ARHGAP42: variants seen among roughly 807,000 people sequenced by gnomAD.
ARHGAP42 encodes Rho GTPase activating protein 42.
Under a neutral mutation model 125.0 loss-of-function variants are expected in ARHGAP42, and 63 were observed. The ratio of observed to expected loss-of-function variants is 0.50; its 90% CI spans 0.41 to 0.62. The LOEUF is 0.62. Ranked by LOEUF, ARHGAP42 falls within the 20% of genes least tolerant of loss-of-function variation. The pLI, the probability that ARHGAP42 is intolerant of heterozygous loss-of-function variation, is 0.00. For missense variants in ARHGAP42, 766 were observed against 1,024.2 expected, an observed-to-expected ratio of 0.75 and a Z score of 3.44; for synonymous variants, 339 against 351.0, an observed-to-expected ratio of 0.97 and a Z score of 0.38.
At chr11:100,854,590 C>T (rs1177633145) in intron 3 of ARHGAP42, among the ~76,000 whole-genome samples, 7 of 152,110 alleles carry the variant, frequency 4.6e-5, no homozygotes, top group Admixed American at 6.6e-5. Context: ...TAATGCAAGA[C>T]GTGCTCGTGT....
At chr11:100,934,054 G>A (rs1867660765) in intron 7 of ARHGAP42, among the ~76,000 whole-genome samples, 1 of 152,170 alleles carries the variant, frequency 6.6e-6, no homozygotes, top group South Asian at 2.1e-4. Flanking sequence ...CCCAAGTGCT[G>A]GGATTACAGG....
At position 100,808,697 on chromosome 11, in the gene ARHGAP42, G is replaced by A. The variant is rs180827750; in HGVS notation, c.312+13531G>A. Among the ~76,000 whole-genome samples, 494 of 152,216 alleles carry A rather than the reference G, an allele frequency of 3.2e-3. 3 individuals carry two copies. Among genetic ancestry groups the A allele is most frequent in the African/African-American group, 0.011 (475 of 41,548 alleles). ...TGGGATTACAGGCGTGAGCCACCGC[G>A]CCCGGCCAAATTCACTCTTAACTAT... On this transcript the variant is annotated intron_variant, in intron 3 of 23. Coordinates refer to ENST00000298815, the MANE Select transcript of ARHGAP42 (RefSeq NM_152432.4).
chr11:100,805,628 T>C (rs1287106837), intron 3 of ARHGAP42, among the ~76,000 whole-genome samples: 1 of 152,174 alleles, frequency 6.6e-6, no homozygotes, highest in Non-Finnish European at 1.5e-5. Context: ...CTGACTATAC[T>C]TATAGTTACT....
intron 3 of ARHGAP42, among the ~76,000 whole-genome samples, chr11:100,802,774 G>A (rs1019992953): frequency 2.0e-5 from 3 of 151,960 alleles, no homozygotes; most frequent in Middle Eastern, 3.2e-3. Context: ...CAGCCCTATG[G>A]GTTTCTTTCT....
intron 1 of ARHGAP42, among the ~76,000 whole-genome samples, chr11:100,689,127 A>T (rs1243186877): frequency 1.3e-5 from 2 of 152,230 alleles, no homozygotes; most frequent in Middle Eastern, 3.2e-3. Context: ...TGTGTTACTT[A>T]ACCAAGGTAA....
intron 22 of ARHGAP42, among the ~76,000 whole-genome samples, chr11:100,980,475 A>G (rs1287920787): frequency 6.6e-6 from 1 of 150,698 alleles, no homozygotes. Flanking sequence ...AAAACAAGCT[A>G]TGGATGAAGT....
Position 100,965,792 on chromosome 11 carries a change from A to T in ARHGAP42, c.1550+16A>T. On this transcript the variant is annotated intron_variant, in intron 17 of 23. Coordinates refer to ENST00000298815, the MANE Select transcript of ARHGAP42 (RefSeq NM_152432.4). ...ATCTGGTCAAGTAATTCTCTAACTT[A>T]CATTGTTCATTTAACTTATTGTTCA... is the stretch of plus-strand genomic sequence containing the variant. 6.5e-7 allele frequency: 1 copy of T among 1,533,330 alleles called. No individual in the cohort carries two copies. Among genetic ancestry groups the T allele is most frequent in the East Asian group, 2.5e-5 (1 of 40,808 alleles). The allele number at this position is 1,533,330 out of a possible 1,614,324, so 95.0% of individuals were successfully genotyped here.
At chr11:100,849,725 A>C (rs1307612072) in intron 3 of ARHGAP42, among the ~76,000 whole-genome samples, 2 of 152,138 alleles carry the variant, frequency 1.3e-5, no homozygotes, top group Non-Finnish European at 2.9e-5. Context: ...ACAGACACTA[A>C]GGGGCTAGTT....
At chr11:100,720,923 T>A (rs1011505377) in intron 1 of ARHGAP42, among the ~76,000 whole-genome samples, 54 of 152,280 alleles carry the variant, frequency 3.5e-4, no homozygotes, top group African/African-American at 1.3e-3. Context: ...ATTTACTTAT[T>A]TAGATTCTAT....
chr11:100,697,402 T>C (rs977040945), intron 1 of ARHGAP42, among the ~76,000 whole-genome samples: 9 of 152,270 alleles, frequency 5.9e-5, no homozygotes, highest in African/African-American at 2.2e-4. Context: ...CAGGATGGTC[T>C]CCATCTCCTG....
intron 3 of ARHGAP42, among the ~76,000 whole-genome samples, chr11:100,834,054 T>A (rs1422625153): frequency 2.6e-5 from 4 of 152,110 alleles, no homozygotes; most frequent in African/African-American, 9.7e-5. Flanking sequence ...ACCATATTGA[T>A]TTCTATATGG....
At chr11:100,958,066 T>C (rs1857850749) in intron 12 of ARHGAP42, among the ~76,000 whole-genome samples, 1 of 152,092 alleles carries the variant, frequency 6.6e-6, no homozygotes, top group Non-Finnish European at 1.5e-5. Flanking sequence ...CTTGCAGTTT[T>C]AGTTGATATA....
At chr11:100,801,487 ATGTCATCT>A (rs1479199314) in intron 3 of ARHGAP42, among the ~76,000 whole-genome samples, 9 of 152,314 alleles carry the variant, frequency 5.9e-5, no homozygotes, top group Non-Finnish European at 1.3e-4. Context: ...GAAGATGAAT[ATGTCATCT>A]TGGTAGTTTA....
At chr11:100,767,337 C>T (rs1862853911) in intron 1 of ARHGAP42, among the ~76,000 whole-genome samples, 1 of 152,186 alleles carries the variant, frequency 6.6e-6, no homozygotes, top group Non-Finnish European at 1.5e-5. Flanking sequence ...TACCCACAGT[C>T]ATGACACTTA....
At chr11:100,944,239 GA>G (rs1867958836) in intron 10 of ARHGAP42, among the ~76,000 whole-genome samples, 1 of 152,034 alleles carries the variant, frequency 6.6e-6, no homozygotes, top group African/African-American at 2.4e-5. Context: ...TGCTTCTAAG[GA>G]ATAAGATGCA....
chr11:100,916,535 C>T (rs542100390), intron 5 of ARHGAP42, among the ~76,000 whole-genome samples: 16 of 151,974 alleles, frequency 1.1e-4, no homozygotes, highest in Admixed American at 3.3e-4. Flanking sequence ...TATTTGAAAA[C>T]GCAAATAACA....
chr11:100,806,493 G>A (rs1052633466), intron 3 of ARHGAP42, among the ~76,000 whole-genome samples: 2 of 151,926 alleles, frequency 1.3e-5, no homozygotes, highest in African/African-American at 2.4e-5. Context: ...GTATGAAAAC[G>A]GATTATGTTT....
At chr11:100,762,452 A>G (rs149622674) in intron 1 of ARHGAP42, among the ~76,000 whole-genome samples, 59 of 152,296 alleles carry the variant, frequency 3.9e-4, no homozygotes, top group Admixed American at 3.8e-3. Flanking sequence ...AAGGCCTTCA[A>G]GGAAAGAGAA....
rs552756303 is a variant in ARHGAP42 at position 100,993,493 on chromosome 11, A to G, written c.*4692A>G. 7 of 167,102 alleles carry G rather than the reference A, an allele frequency of 4.2e-5. No homozygotes were observed. The highest frequency in any genetic ancestry group is 1.7e-4 in the African/African-American group (7 of 41,554). 10.4% of individuals were successfully genotyped at this position (167,102 alleles called of 1,614,324 possible). ...ATGATTGATGCTTAAAATCCAATAT[A>G]CCACCACATATCAAAGGTTGGGATT... On this transcript the variant is annotated 3_prime_UTR_variant, in exon 24 of 24. Coordinates refer to ENST00000298815, the MANE Select transcript of ARHGAP42 (RefSeq NM_152432.4).
Sources: allele counts gnomAD v4.1 joint callset (sites outside exome capture counted in the v4.1 genomes callset), GRCh38; gene constraint gnomAD v4.1.1; transcripts MANE v1.5; gene names NCBI Gene and HGNC (gene_info 2026-07-23, HGNC 2026-07-21).